Variants in COL5A2 observed in about 807,000 individuals in gnomAD.
COL5A2 encodes the protein collagen type V alpha 2 chain.
COL5A2 carries 23 observed loss-of-function variants against 208.2 expected under a neutral mutation model. The ratio of observed to expected loss-of-function variants is 0.11; its 90% CI spans 0.08 to 0.16. The LOEUF (loss-of-function observed/expected upper bound fraction) is 0.16. Among genes scored for constraint, COL5A2 ranks in the 10% least tolerant of loss-of-function variants. The pLI is 1.00. For missense variants in COL5A2, 1,590 were observed against 1,956.4 expected (o/e 0.81, Z 3.53); for synonymous variants, 625 against 628.5 (o/e 0.99, Z 0.08).
intron 32 of COL5A2, 60 bp from the exon 33 acceptor site, chr2:189,058,587 G>A: frequency 2.1e-6 from 3 of 1,453,610 alleles, no homozygotes; most frequent in Non-Finnish European, 2.9e-6. Flanking sequence ...AGGTCAAAAT[G>A]TTTCTGAGAA....
the COL5A2 span, among the ~76,000 whole-genome samples, chr2:189,267,620 T>C: frequency 6.6e-6 from 1 of 152,186 alleles, no homozygotes; most frequent in Non-Finnish European, 1.5e-5. Flanking sequence ...ATGAGGATAC[T>C]GAATGTGGAG....
At chr2:189,075,473 T>G in intron 16 of COL5A2, 36 bp from the exon 17 acceptor site, 1 of 1,545,324 alleles carries the variant, frequency 6.5e-7, no homozygotes, top group Non-Finnish European at 8.9e-7. Context: ...CAGGATAAGA[T>G]TACATTTTAG....
intron 1 of COL5A2, among the ~76,000 whole-genome samples, chr2:189,132,800 T>C (rs1221555233): frequency 6.6e-6 from 1 of 151,790 alleles, no homozygotes; most frequent in Non-Finnish European, 1.5e-5. Flanking sequence ...GCACACCTGT[T>C]GTCCCAGCTA....
intron 1 of COL5A2, 145 bp downstream of exon 1, chr2:189,179,363 G>T: frequency 1.2e-6 from 1 of 862,268 alleles, no homozygotes; most frequent in Non-Finnish European, 1.9e-6. Context: ...TGTCTTTCAA[G>T]TCGTTTTCCA....
the COL5A2 span, among the ~76,000 whole-genome samples, chr2:189,270,405 C>T: frequency 6.6e-6 from 1 of 152,100 alleles, no homozygotes; most frequent in Non-Finnish European, 1.5e-5. Flanking sequence ...AAATGTTTCC[C>T]AGAGATTCTG....
intron 33 of COL5A2, among the ~76,000 whole-genome samples, chr2:189,057,657 C>T (rs533451619): frequency 6.6e-6 from 1 of 152,230 alleles, no homozygotes; most frequent in Non-Finnish European, 1.5e-5. Flanking sequence ...TCTTAAGAGG[C>T]AATTGAACGC....
At chr2:189,285,860 G>T in the COL5A2 span, among the ~76,000 whole-genome samples, 1 of 152,122 alleles carries the variant, frequency 6.6e-6, no homozygotes, top group Non-Finnish European at 1.5e-5. Context: ...TGAAGCAAAT[G>T]AGTGGACAGA....
the COL5A2 span, among the ~76,000 whole-genome samples, chr2:189,413,336 C>T: frequency 6.6e-6 from 1 of 152,084 alleles, no homozygotes. Flanking sequence ...CAGTTAGGAT[C>T]CTCTAATCAC....
chr2:189,397,204 A>T, the COL5A2 span, among the ~76,000 whole-genome samples: 1 of 152,150 alleles, frequency 6.6e-6, no homozygotes, highest in African/African-American at 2.4e-5. Context: ...GGAGACACTT[A>T]GGCCTGATGA....
intron 1 of COL5A2, among the ~76,000 whole-genome samples, chr2:189,159,828 T>C (rs1450134529): frequency 6.6e-6 from 1 of 152,004 alleles, no homozygotes; most frequent in African/African-American, 2.4e-5. Flanking sequence ...CAGAGGTTGC[T>C]GAGATTGAAC....
chr2:189,152,627 A>C (rs996980314), intron 1 of COL5A2, among the ~76,000 whole-genome samples: 5 of 152,166 alleles, frequency 3.3e-5, no homozygotes, highest in Non-Finnish European at 7.3e-5. Flanking sequence ...AAATAGTTGC[A>C]GTATGAATTA....
the COL5A2 span, among the ~76,000 whole-genome samples, chr2:189,341,933 T>C: frequency 6.6e-6 from 1 of 152,250 alleles, no homozygotes; most frequent in African/African-American, 2.4e-5. Context: ...TGTATCCGTA[T>C]CACAGTCTTT....
chr2:189,382,686 A>T, the COL5A2 span, among the ~76,000 whole-genome samples: 2,978 of 152,264 alleles, frequency 0.02, 98 homozygotes, highest in African/African-American at 0.068. Flanking sequence ...GAGTCTGGGA[A>T]AAGAGTCAGC....
chr2:189,037,405 T>C (rs1685466221), intron 51 of COL5A2, among the ~76,000 whole-genome samples: 1 of 152,204 alleles, frequency 6.6e-6, no homozygotes. Flanking sequence ...TGTATACATA[T>C]ATTTGTGTGT....
the COL5A2 span, among the ~76,000 whole-genome samples, chr2:189,294,855 G>A: frequency 1.3e-5 from 2 of 152,160 alleles, no homozygotes; most frequent in East Asian, 3.9e-4. Flanking sequence ...CTGGAGTGCA[G>A]TGACACAGTC....
At chr2:189,418,557 T>C in the COL5A2 span, among the ~76,000 whole-genome samples, 9 of 152,228 alleles carry the variant, frequency 5.9e-5, no homozygotes, top group Non-Finnish European at 1.0e-4. Flanking sequence ...CACTAGGCCC[T>C]TGTAAGATAG....
At chr2:189,053,694 T>C (rs898767671) in intron 37 of COL5A2, among the ~76,000 whole-genome samples, 4 of 152,196 alleles carry the variant, frequency 2.6e-5, no homozygotes, top group African/African-American at 4.8e-5. Context: ...AATTAGTTAG[T>C]AAACAAGCTG....
At chr2:189,328,777 TG>T in the COL5A2 span, among the ~76,000 whole-genome samples, 7 of 152,216 alleles carry the variant, frequency 4.6e-5, no homozygotes, top group Non-Finnish European at 1.5e-5. Flanking sequence ...TACAAAAGCC[TG>T]GTGAACTATC....
Position 189,046,326 on chromosome 2 carries a change from A to G in COL5A2, c.3202-419T>C, listed in dbSNP as rs534900040. Reference sequence around the variant, plus strand: ...CTTCTAGATTTTCCTCTCCTTATGTATTCTTTCAGAAAACTATATTTTGAT... The same window carrying G: ...CTTCTAGATTTTCCTCTCCTTATGTGTTCTTTCAGAAAACTATATTTTGAT... On this transcript the variant is annotated intron_variant, in intron 45 of 53. Coordinates refer to ENST00000374866, the MANE Select transcript of COL5A2 (RefSeq NM_000393.5). Among the ~76,000 whole-genome samples the G allele has an allele frequency of 2.0e-5, 3 of 152,308 alleles. No individual in the cohort carries two copies. The South Asian group carries it at 6.2e-4, about 32-fold the overall frequency.
Sources: gnomAD v4.1 joint callset for allele counts (sites outside exome capture counted in the v4.1 genomes callset) on GRCh38, gnomAD v4.1.1 for gene constraint, MANE v1.5 for transcripts, NCBI Gene and HGNC (gene_info 2026-07-23, HGNC 2026-07-21) for gene names.